Variants in KAZN observed in about 807,000 individuals in gnomAD.
KAZN encodes the protein kazrin, periplakin interacting protein, also known as kazrin.
KAZN carries 40 observed loss-of-function variants against 87.4 expected under a neutral mutation model. That is an observed-to-expected ratio of 0.46 (90% CI 0.36 to 0.60). KAZN has a LOEUF of 0.60. Ranked by LOEUF, KAZN falls within the 20% of genes least tolerant of loss-of-function variation. The probability of loss-of-function intolerance (pLI) is 0.00; values close to 1 mark genes in which losing one functional copy is unlikely to be tolerated. For synonymous variants in KAZN, 466 were observed against 458.3 expected (o/e 1.02, Z -0.22); for missense variants, 898 against 1,073.9 (o/e 0.84, Z 2.29).
chr1:13,942,546 C>CAAA (rs55784948), intron 1 of KAZN, among the ~76,000 whole-genome samples: 1 of 70,840 alleles, frequency 1.4e-5, no homozygotes, highest in Non-Finnish European at 2.6e-5. Flanking sequence ...GACTCCGTCT[C>CAAA]AAAAAAAAAA....
chr1:14,046,567 T>G (rs566787441), intron 1 of KAZN, among the ~76,000 whole-genome samples: 1 of 152,194 alleles, frequency 6.6e-6, no homozygotes, highest in African/African-American at 2.4e-5. Flanking sequence ...GCATAGAACT[T>G]GCTTGCAGAG....
chr1:14,986,978 A>G (rs1666881387), intron 2 of KAZN, among the ~76,000 whole-genome samples: 1 of 130,978 alleles, frequency 7.6e-6, no homozygotes, highest in Non-Finnish European at 1.6e-5. Flanking sequence ...ATATCAATTG[A>G]CCTCCGATGC....
At chr1:14,568,817 A>G (rs1249909561) in intron 2 of KAZN, among the ~76,000 whole-genome samples, 4 of 152,236 alleles carry the variant, frequency 2.6e-5, no homozygotes, top group Admixed American at 2.6e-4. Flanking sequence ...AGTCTGGGAT[A>G]CTTGTTTCCT....
intron 1 of KAZN, among the ~76,000 whole-genome samples, chr1:14,632,924 A>ATT (rs771100638): frequency 7.9e-5 from 9 of 114,018 alleles, no homozygotes; most frequent in African/African-American, 2.6e-4. Flanking sequence ...CACTTTATTT[A>ATT]TTTTTTTTTT....
chr1:14,784,968 A>C (rs1025063605), intron 1 of KAZN, among the ~76,000 whole-genome samples: 1 of 144,580 alleles, frequency 6.9e-6, no homozygotes, highest in South Asian at 2.2e-4. Context: ...TAGACTGCTT[A>C]CTTTTTTTTT....
chr1:14,905,642 G>A (rs750980114), intron 1 of KAZN, among the ~76,000 whole-genome samples: 1 of 151,994 alleles, frequency 6.6e-6, no homozygotes, highest in Non-Finnish European at 1.5e-5. Flanking sequence ...TCAGGAGATC[G>A]AGACCATCCT....
chr1:14,570,075 G>A (rs1211245241), intron 2 of KAZN, among the ~76,000 whole-genome samples: 1 of 151,904 alleles, frequency 6.6e-6, no homozygotes, highest in African/African-American at 2.4e-5. Flanking sequence ...ACTGCACCAC[G>A]GCACTCCAGC....
rs1553180847 is a variant in KAZN at position 15,050,159 on chromosome 1, GGAATAGAATAGAATA to G, written c.727-5883_727-5869del. ...TCTCAATAGAATAATAGAATAGAAT[GGAATAGAATAGAATA>G]GAATAGAATAGAATAGAATAGAATA... On this transcript the variant is annotated intron_variant, in intron 4 of 14. Transcript: ENST00000376030. Among the ~76,000 whole-genome samples the G allele has an allele frequency of 7.4e-3, 970 of 131,296 alleles. 9 individuals carry two copies. Among genetic ancestry groups the G allele is most frequent in the Middle Eastern group, 0.011 (3 of 266 alleles). The allele number at this position is 131,296 out of a possible 152,430, so 86.1% of individuals were successfully genotyped here. A position where few individuals can be genotyped will look rare whatever the true frequency, so the allele number is the denominator to read the frequency against.
chr1:14,779,281 A>G (rs1645264730), intron 1 of KAZN, among the ~76,000 whole-genome samples: 1 of 152,210 alleles, frequency 6.6e-6, no homozygotes, highest in African/African-American at 2.4e-5. Context: ...TTGGCAAACT[A>G]GAGACCACAG....
chr1:14,221,751 C>A (rs1378950030), intron 2 of KAZN: 23 of 152,098 alleles, frequency 1.5e-4, no homozygotes, highest in Admixed American at 1.5e-3. Flanking sequence ...GGGAAGAAGA[C>A]AAGAATTTTT....
intron 2 of KAZN, among the ~76,000 whole-genome samples, chr1:14,382,887 T>C (rs1661500496): frequency 1.3e-5 from 2 of 152,080 alleles, no homozygotes; most frequent in South Asian, 2.1e-4. Context: ...CCCTGAGAAA[T>C]CGCCACACTG....
chr1:13,927,176 C>G (rs1265278683), intron 1 of KAZN, among the ~76,000 whole-genome samples: 2 of 152,134 alleles, frequency 1.3e-5, no homozygotes, highest in Non-Finnish European at 2.9e-5. Flanking sequence ...CATAATAATG[C>G]AGTCCTGGGT....
chr1:14,534,903 C>T (rs1297945176), intron 2 of KAZN, among the ~76,000 whole-genome samples: 1 of 152,158 alleles, frequency 6.6e-6, no homozygotes, highest in African/African-American at 2.4e-5. Flanking sequence ...CCAGAGCTGA[C>T]CTCACTCTCC....
intron 1 of KAZN, among the ~76,000 whole-genome samples, chr1:13,958,499 G>A (rs367758480): frequency 2.0e-5 from 3 of 151,684 alleles, no homozygotes; most frequent in East Asian, 3.9e-4. Flanking sequence ...GCATGAACCC[G>A]GGAGGCAGAG....
chr1:14,911,224 C>A (rs943073544), intron 1 of KAZN, among the ~76,000 whole-genome samples: 1 of 152,254 alleles, frequency 6.6e-6, no homozygotes, highest in Non-Finnish European at 1.5e-5. Flanking sequence ...TGAACCCTTG[C>A]CCAGCTCTGT....
intron 1 of KAZN, among the ~76,000 whole-genome samples, chr1:14,084,993 C>T (rs1643811722): frequency 6.6e-6 from 1 of 152,096 alleles, no homozygotes. Flanking sequence ...AATTGGATCC[C>T]TACAAGATTA....
At chr1:14,501,232 A>T (rs1321596845) in intron 2 of KAZN, among the ~76,000 whole-genome samples, 1 of 152,040 alleles carries the variant, frequency 6.6e-6, no homozygotes, top group Non-Finnish European at 1.5e-5. Context: ...CATTCTCACT[A>T]CTCCCATTTA....
At chr1:14,220,973 G>C (rs902491189) in intron 2 of KAZN, among the ~76,000 whole-genome samples, 5 of 152,132 alleles carry the variant, frequency 3.3e-5, no homozygotes, top group Non-Finnish European at 7.3e-5. Context: ...CCATCTGCTT[G>C]TTCATCCCAC....
chr1:14,242,381 A>T (rs2100580924), intron 2 of KAZN, among the ~76,000 whole-genome samples: 1 of 152,352 alleles, frequency 6.6e-6, no homozygotes, highest in East Asian at 1.9e-4. Flanking sequence ...GCCAGTGTTA[A>T]AAATGATGTC....
Sources: gnomAD v4.1 joint callset for allele counts (sites outside exome capture counted in the v4.1 genomes callset) on GRCh38, gnomAD v4.1.1 for gene constraint, MANE v1.5 for transcripts, NCBI Gene and HGNC (gene_info 2026-07-23, HGNC 2026-07-21) for gene names.